The following NOXRED1 variants were observed in gnomAD, a reference collection of about 807,000 sequenced individuals.
The protein encoded by NOXRED1 is NADP dependent oxidoreductase domain containing 1.
NOXRED1 carries 20 observed loss-of-function variants against 30.4 expected under a neutral mutation model. The ratio of observed to expected loss-of-function variants is 0.66; its 90% CI spans 0.46 to 0.96. The LOEUF is 0.96. Among genes scored for constraint, NOXRED1 ranks in the 40% least tolerant of loss-of-function variants. NOXRED1 has a pLI of 0.00. For synonymous variants in NOXRED1, 155 were observed against 168.0 expected, an observed-to-expected ratio of 0.92 and a Z score of 0.60; for missense variants, 374 against 428.0, an observed-to-expected ratio of 0.87 and a Z score of 1.11.
chr14:77,394,458 T>A lies in NOXRED1; in HGVS notation c.*173A>T, dbSNP rs2139657265. ...GATACATATTGATGGATAGGACCAC[T>A]TGTTTTATTCTACATTTTAAAGAGT... On this transcript the variant is annotated 3_prime_UTR_variant, in exon 6 of 6. Coordinates refer to ENST00000380835, the MANE Select transcript of NOXRED1 (RefSeq NM_001113475.3). The A allele has an allele frequency of 4.4e-6, 2 of 453,992 alleles. No homozygotes were observed. Among genetic ancestry groups the A allele is most frequent in the Non-Finnish European group, 7.7e-6 (2 of 258,068 alleles). 28.1% of individuals were successfully genotyped at this position (453,992 alleles called of 1,614,324 possible). A position where few individuals can be genotyped will look rare whatever the true frequency, so the allele number is the denominator to read the frequency against.
chr14:77,422,797 C>T lies in NOXRED1; in HGVS notation c.93G>A (p.Arg31=), dbSNP rs1895034075. Residue 31 remains arginine (R), a synonymous_variant, in exon 1 of 6, where the codon CGG becomes CGA. Transcript: ENST00000380835. ...RIWLYLQGRS[R]GLMIEACAHA... Reference sequence around the variant, plus strand: ...GGGCACAAGCCTCGATCATCAGTCCCCGAGAACGGCCCTGCAAATACAGCC... The same window carrying T: ...GGGCACAAGCCTCGATCATCAGTCCTCGAGAACGGCCCTGCAAATACAGCC... 1 of 1,614,150 alleles carries T rather than the reference C, an allele frequency of 6.2e-7. No homozygotes were observed. Among genetic ancestry groups the T allele is most frequent in the Non-Finnish European group, 8.5e-7 (1 of 1,179,996 alleles).
upstream of NOXRED1, among the ~76,000 whole-genome samples, chr14:77,424,525 A>G (rs1222083218): frequency 1.3e-5 from 2 of 152,194 alleles, no homozygotes; most frequent in Non-Finnish European, 2.9e-5. Flanking sequence ...AATGAGGGGC[A>G]TGGACGTTCT....
At chr14:77,414,381 G>C (rs1317716742) in intron 1 of NOXRED1, among the ~76,000 whole-genome samples, 2 of 151,948 alleles carry the variant, frequency 1.3e-5, no homozygotes, top group African/African-American at 2.4e-5. Flanking sequence ...GGGTTTCACT[G>C]TATTAGCCAG....
chr14:77,394,441 T>C lies in NOXRED1; in HGVS notation c.*190A>G. The C allele has an allele frequency of 2.4e-6, 1 of 421,146 alleles. No homozygotes were observed. The highest frequency in any genetic ancestry group is 4.2e-6 in the Non-Finnish European group (1 of 238,526). 26.1% of individuals were successfully genotyped at this position (421,146 alleles called of 1,614,324 possible). A position where few individuals can be genotyped will look rare whatever the true frequency, so the allele number is the denominator to read the frequency against. On this transcript the variant is annotated 3_prime_UTR_variant, in exon 6 of 6. Coordinates refer to ENST00000380835, the MANE Select transcript of NOXRED1 (RefSeq NM_001113475.3). ...GTTGCTTCTGAGAGCCAGATACATA[T>C]TGATGGATAGGACCACTTGTTTTAT...
chr14:77,405,872 T>C (rs376925117), intron 5 of NOXRED1, 41 bp downstream of exon 5: 10 of 1,175,244 alleles, frequency 8.5e-6, no homozygotes, highest in Non-Finnish European at 1.3e-5. Context: ...AAGAGAAGAG[T>C]CTGGGAGAAA....
chr14:77,394,794 C>G lies in NOXRED1; in HGVS notation c.917G>C (p.Trp306Ser). Residue 306 changes from tryptophan to serine, a missense_variant, in exon 6 of 6, where the codon TGG (tryptophan) becomes TCG (serine). Physicochemically the swap from Trp to Ser is radical, Grantham distance 177 (BLOSUM62 -3). Coordinates refer to ENST00000380835, the MANE Select transcript of NOXRED1 (RefSeq NM_001113475.3). ...GAGTTGCACAGCAGTCAGATCAAAC[C>G]AGGGGAAAGGCCTGAGGTGAAAAAA... ...KNLSQERPFP[W>S]FDLTAVQLKE... 1 of 1,612,930 alleles carries G rather than the reference C, an allele frequency of 6.2e-7. No individual in the cohort carries two copies. The highest frequency in any genetic ancestry group is 8.5e-7 in the Non-Finnish European group (1 of 1,179,128).
At chr14:77,412,623 C>G (rs1894690128) in intron 2 of NOXRED1, among the ~76,000 whole-genome samples, 1 of 152,134 alleles carries the variant, frequency 6.6e-6, no homozygotes, top group South Asian at 2.1e-4. Flanking sequence ...AGTGATTTGC[C>G]TGCCTCAGCC....
At chr14:77,411,793 T>C (rs7150614) in intron 2 of NOXRED1, among the ~76,000 whole-genome samples, 4,153 of 152,178 alleles carry the variant, frequency 0.027, 192 homozygotes, top group African/African-American at 0.095. Flanking sequence ...ATTTATTGTA[T>C]AGAAATAATA....
At chr14:77,412,651 T>TACAGGA (rs1245667682) in intron 2 of NOXRED1, among the ~76,000 whole-genome samples, 2 of 152,160 alleles carry the variant, frequency 1.3e-5, no homozygotes, top group African/African-American at 4.8e-5. Context: ...TAGCTGGGAC[T>TACAGGA]ACAGGAACCC....
intron 2 of NOXRED1, among the ~76,000 whole-genome samples, chr14:77,413,095 C>T (rs1894705423): frequency 6.6e-6 from 1 of 152,090 alleles, no homozygotes; most frequent in Admixed American, 6.5e-5. Flanking sequence ...CAAAAGCATA[C>T]ACCCATTTAA....
chr14:77,416,355 C>CA (rs1449765170), intron 1 of NOXRED1, among the ~76,000 whole-genome samples: 1 of 152,144 alleles, frequency 6.6e-6, no homozygotes, highest in Non-Finnish European at 1.5e-5. Flanking sequence ...TGCGGCCTTC[C>CA]ACAGTGTTTG....
chr14:77,406,854 G>A lies in NOXRED1; in HGVS notation c.552C>T (p.His184=), dbSNP rs1894482975. 1.2e-6 allele frequency: 2 copies of A among 1,613,912 alleles called. No individual in the cohort carries two copies. Among genetic ancestry groups the A allele is most frequent in the Non-Finnish European group, 1.7e-6 (2 of 1,179,944 alleles). Residue 184 remains histidine, a synonymous_variant, in exon 4 of 6, where the codon CAC becomes CAT. Transcript: ENST00000380835. ...PLPRLKLLLN[H]TNILRPQYQY... ...GATACTGAGGCCGCAAGATATTGGT[G>A]TGGTTCAACAGTAGTTTCAGCCTGG...
chr14:77,417,890 A>AC (rs1894873034), intron 1 of NOXRED1, among the ~76,000 whole-genome samples: 1 of 137,268 alleles, frequency 7.3e-6, no homozygotes, highest in South Asian at 2.3e-4. Flanking sequence ...TATTTCACTG[A>AC]TTTTTTTTTT....
chr14:77,400,293 T>C (rs1273344778), intron 5 of NOXRED1, among the ~76,000 whole-genome samples: 10 of 152,192 alleles, frequency 6.6e-5, no homozygotes, highest in African/African-American at 2.2e-4. Context: ...AAGGAACAAG[T>C]GAAGATAACT....
At chr14:77,425,071 C>T (rs143003796), upstream of NOXRED1, among the ~76,000 whole-genome samples, 481 of 152,284 alleles carry the variant, frequency 3.2e-3, 1 homozygote, top group Admixed American at 9.8e-3. Context: ...TTTCCAGCAG[C>T]GGGACACCCA....
At position 77,422,829 on chromosome 14, in the gene NOXRED1, G is replaced by T. The variant is rs765446270; in HGVS notation, c.61C>A (p.Arg21Ser). ...CGGCCCTGCAAATACAGCCAGATAC[G>T]ATCTTCCTCTGGAACCCCATACTCA... is the stretch of plus-strand genomic sequence containing the variant. ...QFEYGVPEED[R>S]IWLYLQGRSR... The change falls in exon 1 of 6, where the codon CGT becomes AGT. Residue 21 changes from arginine to serine, a missense_variant. Arg to Ser is a moderately radical substitution (Grantham distance 110, BLOSUM62 -1). Transcript: ENST00000380835. The T allele has an allele frequency of 6.2e-7, 1 of 1,613,604 alleles. No individual in the cohort carries two copies. Among genetic ancestry groups the T allele is most frequent in the Non-Finnish European group, 8.5e-7 (1 of 1,179,670 alleles).
At chr14:77,409,920 T>G (rs1317372502) in intron 2 of NOXRED1, among the ~76,000 whole-genome samples, 1 of 151,788 alleles carries the variant, frequency 6.6e-6, no homozygotes, top group East Asian at 1.9e-4. Flanking sequence ...CAATTCTCAT[T>G]CCTCCCCTGT....
chr14:77,411,522 G>A (rs527681319), intron 2 of NOXRED1, among the ~76,000 whole-genome samples: 41 of 151,002 alleles, frequency 2.7e-4, no homozygotes, highest in Non-Finnish European at 4.3e-4. Flanking sequence ...ATTATGCAGT[G>A]TGAAAGAAGT....
intron 1 of NOXRED1, among the ~76,000 whole-genome samples, chr14:77,419,951 T>C (rs80352910): frequency 0.029 from 4,458 of 152,264 alleles, 215 homozygotes; most frequent in African/African-American, 0.1. Flanking sequence ...TGTGTGGTCC[T>C]CTTTGGGTTC....
Sources: allele counts gnomAD v4.1 joint callset (sites outside exome capture counted in the v4.1 genomes callset), GRCh38; gene constraint gnomAD v4.1.1; transcripts MANE v1.5; gene names NCBI Gene and HGNC (gene_info 2026-07-23, HGNC 2026-07-21).